Variants in FER observed in about 807,000 individuals in gnomAD.
FER encodes the protein tyrosine-protein kinase Fer.
FER carries 63 observed loss-of-function variants against 111.0 expected under a neutral mutation model. The observed-to-expected ratio is 0.57, with a 90% CI of 0.46 to 0.70. FER has a LOEUF of 0.70. FER is among the 30% of genes least tolerant of loss of function. The pLI is 0.00. For missense variants in FER, 914 were observed against 954.0 expected, an observed-to-expected ratio of 0.96 and a Z score of 0.55; for synonymous variants, 327 against 313.9, an observed-to-expected ratio of 1.04 and a Z score of -0.44.
chr5:109,163,148 GTA>G (rs1756172936), intron 17 of FER, among the ~76,000 whole-genome samples: 1 of 152,006 alleles, frequency 6.6e-6, no homozygotes, highest in South Asian at 2.1e-4. Context: ...AACATATGCA[GTA>G]TGTTTTGTTC....
intron 13 of FER, among the ~76,000 whole-genome samples, chr5:108,993,658 C>G (rs144046385): frequency 8.5e-6 from 1 of 117,486 alleles, no homozygotes; most frequent in Non-Finnish European, 2.0e-5. Context: ...AGGGCGAGGG[C>G]GAGGGTGAGG....
intron 17 of FER, among the ~76,000 whole-genome samples, chr5:109,174,142 CAG>C (rs1187718987): frequency 1.3e-5 from 2 of 152,000 alleles, no homozygotes; most frequent in African/African-American, 4.8e-5. Context: ...CAGAACTTGC[CAG>C]AGAGAGGTAT....
chr5:108,922,460 A>C (rs140038740), intron 10 of FER, among the ~76,000 whole-genome samples: 1 of 152,330 alleles, frequency 6.6e-6, no homozygotes, highest in East Asian at 1.9e-4. Context: ...TCTCTGTGCT[A>C]GAACAAGTAA....
At chr5:109,071,356 T>C (rs908383613) in intron 16 of FER, among the ~76,000 whole-genome samples, 6 of 152,052 alleles carry the variant, frequency 3.9e-5, no homozygotes, top group African/African-American at 1.4e-4. Flanking sequence ...ACTGACCTTA[T>C]GGATTTTGGA....
intron 13 of FER, among the ~76,000 whole-genome samples, chr5:108,971,110 GT>G (rs145588563): frequency 0.01 from 1,533 of 151,988 alleles, 22 homozygotes; most frequent in African/African-American, 0.035. Context: ...AAAAATCAAT[GT>G]TCATTTTACC....
intron 17 of FER, among the ~76,000 whole-genome samples, chr5:109,121,430 A>C (rs1750961289): frequency 6.6e-6 from 1 of 152,038 alleles, no homozygotes; most frequent in Non-Finnish European, 1.5e-5. Flanking sequence ...CCATCTTTTC[A>C]CCTTGGGATA....
Position 109,115,653 on chromosome 5 carries a change from TTTTGTTTG to T in FER, c.2048+15159_2048+15166del, listed in dbSNP as rs143119269. Among the ~76,000 whole-genome samples the T allele has an allele frequency of 7.9e-4, 120 of 151,324 alleles. 1 individual carries two copies. In the East Asian group the frequency reaches 0.016, roughly 21 times the overall value. ...AGTTTCCAGACAGATTTTGTGCAGT[TTTTGTTTG>T]TTTGTTTGTTTGTTTGTTTGTTTGG... On this transcript the variant is annotated intron_variant, in intron 17 of 19. Transcript: ENST00000281092.
At chr5:108,803,893 A>C (rs1017432127) in intron 3 of FER, among the ~76,000 whole-genome samples, 15 of 152,128 alleles carry the variant, frequency 9.9e-5, no homozygotes, top group African/African-American at 3.6e-4. Flanking sequence ...TTTGATAGGA[A>C]TAGTGTTGAA....
chr5:109,136,519 T>G (rs1752913634), intron 17 of FER, among the ~76,000 whole-genome samples: 1 of 152,176 alleles, frequency 6.6e-6, no homozygotes, highest in African/African-American at 2.4e-5. Flanking sequence ...TAATCTGTAC[T>G]GCTTAGAAAG....
At chr5:109,167,297 A>T (rs7714599) in intron 17 of FER, among the ~76,000 whole-genome samples, 11,865 of 152,154 alleles carry the variant, frequency 0.078, 510 homozygotes, top group Middle Eastern at 0.11. Context: ...CTTTGCAAAA[A>T]CTCCAAAGTA....
At chr5:108,956,632 T>G (rs1758464068) in intron 12 of FER, among the ~76,000 whole-genome samples, 1 of 151,634 alleles carries the variant, frequency 6.6e-6, no homozygotes, top group African/African-American at 2.4e-5. Flanking sequence ...CTGAAATTTT[T>G]CAAATATCTC....
intron 7 of FER, 85 bp downstream of exon 7, chr5:108,871,587 A>C (rs1764604696): frequency 1.0e-6 from 1 of 970,272 alleles, no homozygotes; most frequent in Non-Finnish European, 1.5e-6. Context: ...AAAAATAAGA[A>C]ATACTTAAGA....
intron 13 of FER, among the ~76,000 whole-genome samples, chr5:109,034,649 G>A (rs1581736526): frequency 6.6e-6 from 1 of 152,038 alleles, no homozygotes; most frequent in East Asian, 1.9e-4. Context: ...TTAAATGGAT[G>A]TTTAGGGGTT....
At chr5:108,749,060 G>C (rs1024025546) in intron 1 of FER, 1 of 152,650 alleles carries the variant, frequency 6.6e-6, no homozygotes, top group African/African-American at 2.4e-5. Flanking sequence ...GAGGGGGGAA[G>C]AGGAGGGAAG....
chr5:109,076,798 A>G (rs1776398463), intron 16 of FER, among the ~76,000 whole-genome samples: 1 of 152,198 alleles, frequency 6.6e-6, no homozygotes. Flanking sequence ...ATAACAACAT[A>G]TAGTAACAAC....
At chr5:108,763,393 G>C (rs1194766206) in intron 1 of FER, among the ~76,000 whole-genome samples, 3 of 152,268 alleles carry the variant, frequency 2.0e-5, no homozygotes, top group South Asian at 2.1e-4. Context: ...AATGTGATGA[G>C]GGCCAGGTGT....
At chr5:108,814,649 T>C (rs1302047898) in intron 3 of FER, among the ~76,000 whole-genome samples, 1 of 152,236 alleles carries the variant, frequency 6.6e-6, no homozygotes, top group Admixed American at 6.5e-5. Context: ...TGGATCTGTT[T>C]AGTAAACATT....
chr5:109,153,965 C>G (rs899550736), intron 17 of FER, among the ~76,000 whole-genome samples: 3 of 151,736 alleles, frequency 2.0e-5, no homozygotes, highest in Admixed American at 2.0e-4. Flanking sequence ...TGGCAGGGAG[C>G]AGTGAATTAC....
chr5:109,137,946 C>A (rs909015692), intron 17 of FER, among the ~76,000 whole-genome samples: 12 of 152,126 alleles, frequency 7.9e-5, no homozygotes, highest in African/African-American at 2.7e-4. Context: ...TATTTTCTCC[C>A]GCAAGATGTA....
Sources: gnomAD v4.1 joint callset for allele counts (sites outside exome capture counted in the v4.1 genomes callset) on GRCh38, gnomAD v4.1.1 for gene constraint, MANE v1.5 for transcripts, NCBI Gene and HGNC (gene_info 2026-07-23, HGNC 2026-07-21) for gene names.